Variants in NFIB observed in about 807,000 individuals in gnomAD.
The protein encoded by NFIB is nuclear factor I B.
A neutral mutation model predicts 61.5 loss-of-function variants in NFIB; 11 were observed. The observed-to-expected ratio is 0.18, with a 90% CI of 0.11 to 0.30. The LOEUF (loss-of-function observed/expected upper bound fraction) is 0.30, where lower values mean the gene tolerates loss of function less well. Ranked by LOEUF, NFIB falls within the 10% of genes least tolerant of loss-of-function variation. NFIB has a pLI of 1.00. For synonymous variants in NFIB, 260 were observed against 216.5 expected, an observed-to-expected ratio of 1.20 and a Z score of -1.76; for missense variants, 471 against 608.9, an observed-to-expected ratio of 0.77 and a Z score of 2.38.
At chr9:14,477,501 G>A in the NFIB span, among the ~76,000 whole-genome samples, 2 of 152,244 alleles carry the variant, frequency 1.3e-5, no homozygotes, top group South Asian at 2.1e-4. Context: ...CTATCATGCC[G>A]AGTAATAATT....
the NFIB span, among the ~76,000 whole-genome samples, chr9:14,494,434 A>C: frequency 6.6e-6 from 1 of 152,146 alleles, no homozygotes; most frequent in South Asian, 2.1e-4. Context: ...TTCCACCAGC[A>C]CTGTAGATCC....
intron 1 of NFIB, among the ~76,000 whole-genome samples, chr9:14,353,683 G>A (rs1349044298): frequency 1.3e-5 from 2 of 152,108 alleles, no homozygotes; most frequent in Admixed American, 6.5e-5. Context: ...CGATGCCTGC[G>A]AGCTGACGTG....
At chr9:14,316,252 T>C (rs2060537624), upstream of NFIB, among the ~76,000 whole-genome samples, 1 of 152,174 alleles carries the variant, frequency 6.6e-6, no homozygotes, top group South Asian at 2.1e-4. Context: ...TCAAACACAG[T>C]CCGTTTTCAA....
intron 4 of NFIB, among the ~76,000 whole-genome samples, chr9:14,151,830 A>C (rs567749458): frequency 2.6e-5 from 4 of 152,242 alleles, no homozygotes; most frequent in African/African-American, 9.6e-5. Flanking sequence ...GGGCTTTGCA[A>C]CAAAATTCTA....
intron 6 of NFIB, among the ~76,000 whole-genome samples, chr9:14,128,041 C>T (rs1305811262): frequency 2.0e-5 from 3 of 151,410 alleles, no homozygotes; most frequent in African/African-American, 7.3e-5. Flanking sequence ...ATAGACAAAG[C>T]TCATTTTGCT....
At chr9:14,497,584 C>A in the NFIB span, among the ~76,000 whole-genome samples, 44 of 152,182 alleles carry the variant, frequency 2.9e-4, 1 homozygote, top group African/African-American at 9.9e-4. Context: ...CATCTTATAG[C>A]AAATGAGGCA....
chr9:14,385,957 A>G (rs930121505), intron 1 of NFIB, among the ~76,000 whole-genome samples: 1 of 151,780 alleles, frequency 6.6e-6, no homozygotes, highest in African/African-American at 2.4e-5. Context: ...TAATTTTTGT[A>G]TGTTCAGTAG....
At chr9:14,231,432 C>T (rs1303468677) in intron 2 of NFIB, among the ~76,000 whole-genome samples, 1 of 151,910 alleles carries the variant, frequency 6.6e-6, no homozygotes, top group African/African-American at 2.4e-5. Context: ...ACGAGGCTGG[C>T]ACCAAGCAGG....
the NFIB span, among the ~76,000 whole-genome samples, chr9:14,477,181 A>G: frequency 6.6e-6 from 1 of 152,222 alleles, no homozygotes; most frequent in Non-Finnish European, 1.5e-5. Context: ...AGGGGATAGC[A>G]TTCCATAAAG....
intron 10 of NFIB, among the ~76,000 whole-genome samples, chr9:14,102,940 C>T (rs497789): frequency 0.51 from 77,399 of 152,084 alleles, 22,836 homozygotes; most frequent in African/African-American, 0.8. Context: ...TTGCAAAACA[C>T]AGAAGACATG....
At chr9:14,114,063 C>T (rs1267441365) in intron 9 of NFIB, among the ~76,000 whole-genome samples, 3 of 152,126 alleles carry the variant, frequency 2.0e-5, no homozygotes, top group Admixed American at 1.3e-4. Flanking sequence ...TTTAAAACCA[C>T]CAGATTAATG....
At chr9:14,235,208 T>C (rs1274845754) in intron 2 of NFIB, among the ~76,000 whole-genome samples, 2 of 152,216 alleles carry the variant, frequency 1.3e-5, no homozygotes, top group Non-Finnish European at 2.9e-5. Context: ...CTCATTCCTT[T>C]AAAATTCAGG....
At chr9:14,526,225 T>C in the NFIB span, among the ~76,000 whole-genome samples, 4 of 152,178 alleles carry the variant, frequency 2.6e-5, no homozygotes, top group African/African-American at 9.7e-5. Flanking sequence ...TAAAGTCATA[T>C]TTTTAGGGAG....
chr9:14,089,978 T>C (rs187570680), intron 10 of NFIB, among the ~76,000 whole-genome samples: 1 of 152,260 alleles, frequency 6.6e-6, no homozygotes, highest in East Asian at 1.9e-4. Flanking sequence ...ACAAACTCAA[T>C]GACAGCAAAG....
intron 1 of NFIB, among the ~76,000 whole-genome samples, chr9:14,386,842 T>C (rs566261433): frequency 6.6e-6 from 1 of 152,194 alleles, no homozygotes; most frequent in Non-Finnish European, 1.5e-5. Flanking sequence ...AGCTCCTTGG[T>C]GTGTTATTAG....
At chr9:14,397,872 C>T (rs1014133885) in intron 1 of NFIB, among the ~76,000 whole-genome samples, 9 of 152,082 alleles carry the variant, frequency 5.9e-5, no homozygotes, top group Admixed American at 4.6e-4. Flanking sequence ...CAAGATAAAA[C>T]AGAAAAGTGA....
At chr9:14,182,300 A>C (rs1354765869) in intron 2 of NFIB, among the ~76,000 whole-genome samples, 2 of 152,180 alleles carry the variant, frequency 1.3e-5, no homozygotes, top group East Asian at 3.9e-4. Context: ...GCACACAATG[A>C]CAGACTCCTT....
chr9:14,479,210 A>G, the NFIB span, among the ~76,000 whole-genome samples: 5,463 of 152,302 alleles, frequency 0.036, 150 homozygotes, highest in Admixed American at 0.065. Context: ...ACAATCACTG[A>G]GGAAAGGCAC....
chr9:14,424,712 G>C, the NFIB span, among the ~76,000 whole-genome samples: 65 of 152,298 alleles, frequency 4.3e-4, no homozygotes, highest in Non-Finnish European at 1.6e-4. Flanking sequence ...AGAGCTCCGA[G>C]GGCGGGTTCT....
Sources: gnomAD v4.1 joint callset for allele counts (sites outside exome capture counted in the v4.1 genomes callset) on GRCh38, gnomAD v4.1.1 for gene constraint, MANE v1.5 for transcripts, NCBI Gene and HGNC (gene_info 2026-07-23, HGNC 2026-07-21) for gene names.